NPC1: variants seen among roughly 807,000 people sequenced by gnomAD.
The protein encoded by NPC1 is Niemann-Pick C1 protein.
In NPC1, 85 loss-of-function variants were observed where a neutral mutation model predicts 140.4. The ratio of observed to expected loss-of-function variants is 0.61; its 90% CI spans 0.51 to 0.72. The LOEUF (loss-of-function observed/expected upper bound fraction) is 0.72, where lower values mean the gene tolerates loss of function less well. Among genes scored for constraint, NPC1 ranks in the 30% least tolerant of loss-of-function variants. The pLI is 0.00. For synonymous variants in NPC1, 656 were observed against 624.8 expected, an observed-to-expected ratio of 1.05 and a Z score of -0.74; for missense variants, 1,504 against 1,623.8, an observed-to-expected ratio of 0.93 and a Z score of 1.27.
intron 7 of NPC1, 87 bp downstream of exon 7, chr18:23,557,030 C>T (rs1244040372): frequency 3.6e-6 from 4 of 1,106,382 alleles, no homozygotes; most frequent in Admixed American, 1.8e-5. Context: ...CCACCTCACC[C>T]ACTGCTGCAA....
intron 1 of NPC1, among the ~76,000 whole-genome samples, chr18:23,574,673 G>C (rs1223389827): frequency 6.6e-6 from 1 of 152,102 alleles, no homozygotes; most frequent in East Asian, 1.9e-4. Flanking sequence ...ACTTTTCTCT[G>C]AATTCATTTT....
chr18:23,573,182 C>A (rs575356130), intron 2 of NPC1, among the ~76,000 whole-genome samples: 1 of 152,210 alleles, frequency 6.6e-6, no homozygotes, highest in Non-Finnish European at 1.5e-5. Context: ...GGGCAACATA[C>A]GAAGTACCAA....
intron 3 of NPC1, 21 bp from the exon 4 acceptor site, chr18:23,569,019 A>G: frequency 6.4e-7 from 1 of 1,566,786 alleles, no homozygotes; most frequent in Non-Finnish European, 8.8e-7. Context: ...AGTAAATTAT[A>G]TTCTGCATGA....
chr18:23,535,425 T>C, intron 22 of NPC1, 44 bp downstream of exon 22: 3 of 1,383,664 alleles, frequency 2.2e-6, no homozygotes, highest in Non-Finnish European at 3.0e-6. Flanking sequence ...TTCCCCCAAG[T>C]GAAACAGGAG....
intron 3 of NPC1, chr18:23,516,542 C>G: frequency 1.0e-6 from 1 of 993,712 alleles, no homozygotes; most frequent in African/African-American, 1.6e-5. Context: ...AAGGAGGACT[C>G]CCCTTGTTCT....
intron 7 of NPC1, 60 bp from the exon 8 acceptor site, chr18:23,556,673 C>A: frequency 1.2e-6 from 2 of 1,600,552 alleles, no homozygotes; most frequent in South Asian, 2.2e-5. Flanking sequence ...TCCTGAAAGT[C>A]GGAACAGGGA....
intron 3 of NPC1, among the ~76,000 whole-genome samples, chr18:23,571,231 TTAAAAAAAAAAAAAAA>T (rs1567979096): frequency 3.7e-4 from 26 of 71,066 alleles, no homozygotes; most frequent in African/African-American, 2.4e-3. Flanking sequence ...AAAACTGACT[TTAAAAAAAAAAAAAAA>T]CTGGCTGGGA....
chr18:23,535,844 C>T (rs2058621906), intron 21 of NPC1, 144 bp from the exon 22 acceptor site: 8 of 700,268 alleles, frequency 1.1e-5, no homozygotes, highest in Admixed American at 2.0e-5. Context: ...CAAGACTCAC[C>T]GAAAGCAACT....
downstream of NPC1, chr18:23,529,547 G>A: frequency 7.5e-7 from 1 of 1,333,834 alleles, no homozygotes; most frequent in Non-Finnish European, 1.1e-6. Context: ...TTTTAAGATG[G>A]AAACAAGGTG....
downstream of NPC1, among the ~76,000 whole-genome samples, chr18:23,522,134 C>G (rs1002207687): frequency 2.6e-5 from 4 of 152,266 alleles, no homozygotes; most frequent in Non-Finnish European, 4.4e-5. Flanking sequence ...CCCTGTCTTG[C>G]TGGACCAGCC....
In NPC1 at chr18:23,560,225, G is replaced by A. The variant is rs1180731498; in HGVS notation, c.881+6C>T. ...TTTGCCCTGGATGACAAACAAAACT[G>A]CTTACCTGTAGCACCACACTGCAAA... On this transcript the variant is annotated splice_donor_region_variant and intron_variant, in intron 6 of 24. Coordinates refer to ENST00000269228, the MANE Select transcript of NPC1 (RefSeq NM_000271.5). 3 of 1,613,876 alleles carry A rather than the reference G, an allele frequency of 1.9e-6. No individual in the cohort carries two copies. In the African/African-American group the frequency reaches 4.0e-5, roughly 22 times the overall value.
At position 23,560,403 on chromosome 18, in the gene NPC1, G is replaced by C; in HGVS notation, c.709C>G (p.Pro237Ala). The change falls in exon 6 of 25, where the codon CCA becomes GCA. Residue 237 changes from proline to alanine, a missense_variant. Transcript: ENST00000269228. The stretch of plus-strand genomic sequence containing the variant: ...ATAGAGCAGTCTTGGCAGCTACATG[G>C]TGCTGTGACCTCATCCACAGACTCG... Reference protein sequence around the residue: ...CDESVDEVTAPCSCQDCSIVC... With the variant: ...CDESVDEVTAACSCQDCSIVC... The C allele has an allele frequency of 6.2e-7, 1 of 1,614,200 alleles. No individual in the cohort carries two copies.
In NPC1 at chr18:23,561,477, C is replaced by T. The variant is rs1448333382; in HGVS notation, c.514G>A (p.Ala172Thr). ...DVEAPSSNDKALGLLCGKDAD... is the reference protein window; with the variant it reads ...DVEAPSSNDKTLGLLCGKDAD... ...TCCTTCCCACACAGGAGTCCCAGGG[C>T]CTTGTCATTACTTGAGGGGGCCTCC... is the stretch of plus-strand genomic sequence containing the variant. Residue 172 changes from alanine to threonine, a missense_variant, in exon 5 of 25, where the codon GCC becomes ACC. Coordinates refer to ENST00000269228, the MANE Select transcript of NPC1 (RefSeq NM_000271.5). 3 of 1,614,134 alleles carry T rather than the reference C, an allele frequency of 1.9e-6. No individual in the cohort carries two copies. The highest frequency in any genetic ancestry group is 2.2e-5 in the East Asian group (1 of 44,872).
At chr18:23,575,769 CAAAAAAA>C (rs35922440) in intron 1 of NPC1, among the ~76,000 whole-genome samples, 594 of 35,094 alleles carry the variant, frequency 0.017, 6 homozygotes, top group Middle Eastern at 0.12. Flanking sequence ...CAGAGAAGAC[CAAAAAAA>C]AAAAAAAAAA....
intron 13 of NPC1, 79 bp downstream of exon 13, chr18:23,544,265 C>G: frequency 7.2e-7 from 1 of 1,385,398 alleles, no homozygotes; most frequent in Non-Finnish European, 1.0e-6. Context: ...GTCACACTCA[C>G]GAATGCGGAG....
chr18:23,551,512 TA>T, intron 10 of NPC1, 114 bp downstream of exon 10: 1 of 836,430 alleles, frequency 1.2e-6, no homozygotes, highest in Non-Finnish European at 2.1e-6. Flanking sequence ...ATTCAAGAGG[TA>T]AGAAATTAAC....
chr18:23,533,666 G>A (rs1285181998), intron 23 of NPC1, 149 bp from the exon 24 acceptor site: 7 of 742,572 alleles, frequency 9.4e-6, no homozygotes, highest in Non-Finnish European at 1.6e-5. Context: ...ACGCCACCAT[G>A]CCTGGCTAAT....
Position 23,560,310 on chromosome 18 carries a change from T to C in NPC1, c.802A>G (p.Met268Val), listed in dbSNP as rs2059019392. 1 of 1,614,212 alleles carries C rather than the reference T, an allele frequency of 6.2e-7. No individual in the cohort carries two copies. The part of the protein sequence containing the change: ...APWTILGLDA[M>V]YVIMWITYMA... Reference sequence around the variant, plus strand: ...TAGGTGATCCACATGATGACATACATGGCGTCCAAGCCAAGGATCGTCCAG... The same window carrying C: ...TAGGTGATCCACATGATGACATACACGGCGTCCAAGCCAAGGATCGTCCAG... Residue 268 changes from methionine (M) to valine (V), a missense_variant, in exon 6 of 25, where the codon ATG (methionine) becomes GTG (valine). Physicochemically the swap from Met to Val is conservative, Grantham distance 21. Coordinates refer to ENST00000269228, the MANE Select transcript of NPC1 (RefSeq NM_000271.5).
intron 10 of NPC1, among the ~76,000 whole-genome samples, chr18:23,550,182 T>C (rs2058848444): frequency 6.6e-6 from 1 of 151,980 alleles, no homozygotes; most frequent in Admixed American, 6.6e-5. Flanking sequence ...CAGCTAATTT[T>C]TGTATTTTTT....
Sources: allele counts gnomAD v4.1 joint callset (sites outside exome capture counted in the v4.1 genomes callset), GRCh38; gene constraint gnomAD v4.1.1; transcripts MANE v1.5; gene names NCBI Gene and HGNC (gene_info 2026-07-23, HGNC 2026-07-21).